PNPLA7: variants seen among roughly 807,000 people sequenced by gnomAD.
PNPLA7 encodes patatin like domain 7, lysophospholipase.
In PNPLA7, 153 loss-of-function variants were observed where a neutral mutation model predicts 161.7. The observed-to-expected ratio is 0.95, with a 90% CI of 0.83 to 1.08. The LOEUF (loss-of-function observed/expected upper bound fraction) is 1.08, where lower values mean the gene tolerates loss of function less well. Among genes scored for constraint, PNPLA7 ranks in the 50% least tolerant of loss-of-function variants. PNPLA7 has a pLI of 0.00. For missense variants in PNPLA7, 1,739 were observed against 1,856.6 expected, an observed-to-expected ratio of 0.94 and a Z score of 1.16; for synonymous variants, 809 against 782.1, an observed-to-expected ratio of 1.03 and a Z score of -0.57.
chr9:137,505,899 AGCCGGCG>A, intron 13 of PNPLA7, 77 bp downstream of exon 13: 1 of 1,532,864 alleles, frequency 6.5e-7, no homozygotes, highest in South Asian at 1.2e-5. Context: ...ATGACACCAA[AGCCGGCG>A]GCGCCCCCAA....
intron 12 of PNPLA7, among the ~76,000 whole-genome samples, chr9:137,513,361 C>T (rs991399219): frequency 4.0e-5 from 6 of 151,718 alleles, no homozygotes; most frequent in Admixed American, 1.3e-4. Context: ...GTGGTGACAC[C>T]TGCCTAAAAT....
chr9:137,498,993 A>T (rs138653496), intron 16 of PNPLA7, among the ~76,000 whole-genome samples: 56 of 152,084 alleles, frequency 3.7e-4, no homozygotes, highest in Non-Finnish European at 7.5e-4. Context: ...AGATGGCAAG[A>T]CAGTGGCTGG....
intron 8 of PNPLA7, among the ~76,000 whole-genome samples, chr9:137,533,931 C>T (rs1236687910): frequency 1.3e-5 from 2 of 151,128 alleles, no homozygotes; most frequent in African/African-American, 2.4e-5. Flanking sequence ...GAATCCTCCC[C>T]AACAGTGTCC....
rs1833267060 is a variant in PNPLA7, at chr9:137,499,587, G to C, written c.1757+1104C>G. Among the ~76,000 whole-genome samples, 1 of 152,214 alleles carries C rather than the reference G, an allele frequency of 6.6e-6. No homozygotes were observed. The highest frequency in any genetic ancestry group is 2.4e-5 in the African/African-American group (1 of 41,464). On this transcript the variant is annotated intron_variant, in intron 16 of 34. Transcript: ENST00000406427. The surrounding 1 kb of genome is among the most constrained non-coding windows in gnomAD (Gnocchi z 5.5). ...TCAGTCTCCCCATCAGCACGCTGCG[G>C]TGTCAGGGCACCCGGCATCGGGACC...
rs1048190637 is a variant in PNPLA7 at position 137,534,778 on chromosome 9, A to C, written c.747+5864T>G. On this transcript the variant is annotated intron_variant, in intron 8 of 34. Coordinates refer to ENST00000406427, the MANE Select transcript of PNPLA7 (RefSeq NM_001098537.3). ...TCCCACCGAAATCAATATGTAGAAC[A>C]TTTCCAGTAATCTAGATTACCTTAC... Among the ~76,000 whole-genome samples, 5 of 152,290 alleles carry C rather than the reference A, an allele frequency of 3.3e-5. No homozygotes were observed. The East Asian group carries it at 7.7e-4, about 23-fold the overall frequency.
rs1831593526 is a variant in PNPLA7, at chr9:137,468,860, T to C, written c.2883-1387A>G. On this transcript the variant is annotated intron_variant, in intron 25 of 34. Coordinates refer to ENST00000406427, the MANE Select transcript of PNPLA7 (RefSeq NM_001098537.3). This position sits in a 1 kb window ranked among gnomAD's most constrained non-coding sequence, Gnocchi z 4.0. ...TACTTAATTGGATACTCAAAAATGG[T>C]TAAGTGGTAAATTTTATGTTATGTA... 6.6e-6 allele frequency among the ~76,000 whole-genome samples: 1 copy of C among 152,108 alleles called. No individual in the cohort carries two copies. Among genetic ancestry groups the C allele is most frequent in the Admixed American group, 6.5e-5 (1 of 15,278 alleles).
intron 8 of PNPLA7, among the ~76,000 whole-genome samples, chr9:137,527,225 G>A (rs1348564891): frequency 2.7e-5 from 4 of 150,468 alleles, no homozygotes; most frequent in African/African-American, 2.4e-5. Context: ...CCAAGATTGC[G>A]CCACTGCACT....
chr9:137,537,319 AT>A lies in PNPLA7; in HGVS notation c.747+3322del, dbSNP rs948989497. Among the ~76,000 whole-genome samples, 348 of 146,456 alleles carry A rather than the reference AT, an allele frequency of 2.4e-3. 2 individuals are homozygous for A. Among genetic ancestry groups the A allele is most frequent in the African/African-American group, 6.1e-3 (245 of 40,270 alleles). ...ATTACCTCTCTCAGATATCACCCCCATTTTTTTTTTTGAGACAGAGTTGGAG... is the reference window on the plus strand; with the variant it reads ...ATTACCTCTCTCAGATATCACCCCCATTTTTTTTTTGAGACAGAGTTGGAG... On this transcript the variant is annotated intron_variant, in intron 8 of 34. Transcript: ENST00000406427. The surrounding 1 kb of genome is among the most constrained non-coding windows in gnomAD (Gnocchi z 4.5).
chr9:137,506,640 C>G (rs972396030), intron 12 of PNPLA7, among the ~76,000 whole-genome samples: 5 of 152,162 alleles, frequency 3.3e-5, no homozygotes, highest in African/African-American at 7.2e-5. Context: ...TGAGGCACCC[C>G]CTCCAAAGAG....
chr9:137,488,252 G>GCGGC (rs1832593874), intron 20 of PNPLA7, among the ~76,000 whole-genome samples: 1 of 152,042 alleles, frequency 6.6e-6, no homozygotes, highest in Non-Finnish European at 1.5e-5. Flanking sequence ...CGGCCCGAAC[G>GCGGC]TGGCTCTCTG....
rs1344246831 is a variant in PNPLA7 at position 137,467,268 on chromosome 9, C to T, written c.3039+49G>A. ...CGGCCCCAGCGTCCCCCAGCACCAG[C>T]AAGGACCTGGGGGCTGTGCTCCGGT... On this transcript the variant is annotated intron_variant, in intron 26 of 34. Transcript: ENST00000406427. This position sits in a 1 kb window ranked among gnomAD's most constrained non-coding sequence, Gnocchi z 5.1. 1 of 1,560,924 alleles carries T rather than the reference C, an allele frequency of 6.4e-7. No individual in the cohort carries two copies. The highest frequency in any genetic ancestry group is 1.8e-4 in the Middle Eastern group (1 of 5,560).
chr9:137,504,126 A>C (rs1318776612), intron 14 of PNPLA7, among the ~76,000 whole-genome samples: 1 of 122,340 alleles, frequency 8.2e-6, no homozygotes, highest in Non-Finnish European at 1.8e-5. Flanking sequence ...GAAGAAGAAA[A>C]AAGGAAGAAG....
chr9:137,504,148 GAAGAAGAA>G (rs1833780618), intron 14 of PNPLA7, among the ~76,000 whole-genome samples: 1 of 140,446 alleles, frequency 7.1e-6, no homozygotes, highest in Non-Finnish European at 1.5e-5. Context: ...AAAAAGAAAG[GAAGAAGAA>G]GAGAAGAAGA....
At position 137,537,678 on chromosome 9, in the gene PNPLA7, A is replaced by G. The variant is rs1327383823; in HGVS notation, c.747+2964T>C. Among the ~76,000 whole-genome samples, 1 of 152,054 alleles carries G rather than the reference A, an allele frequency of 6.6e-6. No homozygotes were observed. Among genetic ancestry groups the G allele is most frequent in the Non-Finnish European group, 1.5e-5 (1 of 68,028 alleles). On this transcript the variant is annotated intron_variant, in intron 8 of 34. Transcript: ENST00000406427. The surrounding 1 kb of genome is among the most constrained non-coding windows in gnomAD (Gnocchi z 4.5). ...AGATCCATTCCCACCCCTAAGGGAG[A>G]GGGGCTGTGACACCAACGCGGATGA...
intron 20 of PNPLA7, chr9:137,492,057 G>A (rs1832789419): frequency 1.0e-6 from 1 of 985,236 alleles, no homozygotes; most frequent in Non-Finnish European, 1.2e-6. Flanking sequence ...GGGGATCTGG[G>A]GTCAAATGCT....
In PNPLA7 at chr9:137,460,494, G is replaced by T. The variant is rs1354667860; in HGVS notation, c.3946-18C>A. The T allele has an allele frequency of 6.2e-7, 1 of 1,611,862 alleles. No homozygotes were observed. The highest frequency in any genetic ancestry group is 1.3e-5 in the African/African-American group (1 of 75,038). On this transcript the variant is annotated intron_variant, in intron 34 of 34. Transcript: ENST00000406427. ...TCGTCCTCCTGCAAGCAGACCGCAT[G>T]TTCCAGGTGAGGACCAGGCAGGGCA...
chr9:137,490,614 A>G lies in PNPLA7; in HGVS notation c.2197+2399T>C, dbSNP rs1175054704. On this transcript the variant is annotated intron_variant, in intron 20 of 34. Transcript: ENST00000406427. The surrounding 1 kb of genome is among the most constrained non-coding windows in gnomAD (Gnocchi z 4.1). Reference sequence around the variant, plus strand: ...CATGGAGATATTCTCAGATTCTCAGATGAGGGAAAGCAAGCGGATCTGCAG... The same window carrying G: ...CATGGAGATATTCTCAGATTCTCAGGTGAGGGAAAGCAAGCGGATCTGCAG... Among the ~76,000 whole-genome samples, 1 of 152,198 alleles carries G rather than the reference A, an allele frequency of 6.6e-6. No individual in the cohort carries two copies. Among genetic ancestry groups the G allele is most frequent in the Non-Finnish European group, 1.5e-5 (1 of 68,028 alleles).
At chr9:137,503,655 A>G (rs1202075899) in intron 14 of PNPLA7, among the ~76,000 whole-genome samples, 1 of 135,462 alleles carries the variant, frequency 7.4e-6, no homozygotes, top group East Asian at 2.4e-4. Flanking sequence ...GGGGAGGAAG[A>G]AGGAGAAGGG....
rs552341228 is a variant in PNPLA7 at position 137,500,171 on chromosome 9, G to A, written c.1757+520C>T. Among the ~76,000 whole-genome samples, 11 of 152,362 alleles carry A rather than the reference G, an allele frequency of 7.2e-5. No individual in the cohort carries two copies. In the East Asian group the frequency reaches 1.3e-3, roughly 19 times the overall value. On this transcript the variant is annotated intron_variant, in intron 16 of 34. Coordinates refer to ENST00000406427, the MANE Select transcript of PNPLA7 (RefSeq NM_001098537.3). This position sits in a 1 kb window ranked among gnomAD's most constrained non-coding sequence, Gnocchi z 5.5. ...TCTTCCAGCCCGGAGCCTGGAAGGC[G>A]ACACGGGCACATTCTGCCCCAAGAA... is the stretch of plus-strand genomic sequence containing the variant.
Sources: allele counts gnomAD v4.1 joint callset (sites outside exome capture counted in the v4.1 genomes callset), GRCh38; gene constraint gnomAD v4.1.1; non-coding constraint Gnocchi (gnomAD v3.1); transcripts MANE v1.5; gene names NCBI Gene and HGNC (gene_info 2026-07-23, HGNC 2026-07-21).